PSD2: variants seen among roughly 807,000 people sequenced by gnomAD.
PSD2 encodes the protein PH and SEC7 domain-containing protein 2.
PSD2 carries 38 observed loss-of-function variants against 69.8 expected under a neutral mutation model. That is an observed-to-expected ratio of 0.54 (90% CI 0.42 to 0.71). The LOEUF (loss-of-function observed/expected upper bound fraction) is 0.71. Among genes scored for constraint, PSD2 ranks in the 30% least tolerant of loss-of-function variants. The pLI is 0.00. For missense variants in PSD2, 943 were observed against 1,014.5 expected (o/e 0.93, Z 0.96); for synonymous variants, 412 against 423.0 (o/e 0.97, Z 0.32).
chr5:139,745,279 G>A, the PSD2 span: 1 of 152,298 alleles, frequency 6.6e-6, no homozygotes, highest in East Asian at 1.9e-4. Flanking sequence ...AATTGGGGCA[G>A]GGTTAGAACC....
In PSD2 at chr5:139,838,608, T is replaced by G. The variant is rs1189569271; in HGVS notation, c.1824-20T>G. The G allele has an allele frequency of 6.9e-6, 11 of 1,605,212 alleles. No individual in the cohort carries two copies. The highest frequency in any genetic ancestry group is 9.4e-6 in the Non-Finnish European group (11 of 1,173,264). ...AGTCCTGTGTGAGAGGCCGGCACCC[T>G]CTCCCCCTCCTGTCCCCAGGAGCAA... is the stretch of plus-strand genomic sequence containing the variant. On this transcript the variant is annotated intron_variant, in intron 12 of 14. Coordinates refer to ENST00000274710, the MANE Select transcript of PSD2 (RefSeq NM_032289.4).
intron 4 of PSD2, 100 bp from the exon 5 acceptor site, chr5:139,817,381 G>T (rs1322350008): frequency 4.1e-6 from 4 of 971,070 alleles, no homozygotes; most frequent in Non-Finnish European, 6.6e-6. Flanking sequence ...GGTCTAGGGG[G>T]TGGGTGGGTC....
intron 1 of PSD2, among the ~76,000 whole-genome samples, chr5:139,799,291 A>G (rs1759607929): frequency 6.6e-6 from 1 of 152,168 alleles, no homozygotes; most frequent in Admixed American, 6.5e-5. Context: ...CTGAACCCCT[A>G]CATCAGACCA....
In PSD2 at chr5:139,813,617, C is replaced by A; in HGVS notation, c.680C>A (p.Ser227Tyr). 6.2e-7 allele frequency: 1 copy of A among 1,613,714 alleles called. No individual in the cohort carries two copies. Among genetic ancestry groups the A allele is most frequent in the Non-Finnish European group, 8.5e-7 (1 of 1,179,900 alleles). The change falls in exon 3 of 15, where the codon TCC (serine) becomes TAC (tyrosine). Residue 227 changes from serine (S) to tyrosine (Y), a missense_variant. Physicochemically the swap from Ser to Tyr is moderately radical, Grantham distance 144. Around this residue, in one of 3 missense-constraint regions of PSD2, gnomAD observed 466 missense variants for 445.0 expected, o/e 1.05. Coordinates refer to ENST00000274710, the MANE Select transcript of PSD2 (RefSeq NM_032289.4). ...GGCAGCCCCCTGCGGCGCTCCATCT[C>A]CAGCAGCCGCTCTGAGAATGTCCTG... ...ELGSPLRRSISSSRSENVLSR... is the reference protein window; with the variant it reads ...ELGSPLRRSIYSSRSENVLSR...
At chr5:139,823,869 G>A (rs1432669533) in intron 7 of PSD2, among the ~76,000 whole-genome samples, 1 of 152,260 alleles carries the variant, frequency 6.6e-6, no homozygotes, top group African/African-American at 2.4e-5. Flanking sequence ...TGAAGGCCCA[G>A]TCTGCTGGCA....
At chr5:139,771,212 G>T in the PSD2 span, among the ~76,000 whole-genome samples, 1 of 152,182 alleles carries the variant, frequency 6.6e-6, no homozygotes, top group Non-Finnish European at 1.5e-5. Context: ...GTTGTGACTG[G>T]CCCGGGTGGC....
chr5:139,832,543 T>C (rs955155822), intron 7 of PSD2, among the ~76,000 whole-genome samples: 1 of 152,218 alleles, frequency 6.6e-6, no homozygotes, highest in African/African-American at 2.4e-5. Flanking sequence ...GGAAATGACA[T>C]GGAATCCTCT....
chr5:139,784,918 C>A, the PSD2 span, among the ~76,000 whole-genome samples: 1 of 152,006 alleles, frequency 6.6e-6, no homozygotes, highest in African/African-American at 2.4e-5. Context: ...CCACGCCTGG[C>A]TAATTTTTTT....
the PSD2 span, among the ~76,000 whole-genome samples, chr5:139,769,868 G>T: frequency 6.6e-6 from 1 of 152,246 alleles, no homozygotes; most frequent in South Asian, 2.1e-4. Context: ...CTTCATTGAC[G>T]TGGGGTCACA....
chr5:139,838,887 G>T, intron 13 of PSD2, 115 bp downstream of exon 13: 1 of 1,151,642 alleles, frequency 8.7e-7, no homozygotes, highest in Non-Finnish European at 1.2e-6. Context: ...TGGGCTGAAG[G>T]ACACCAGAGA....
At chr5:139,752,322 A>T in the PSD2 span, among the ~76,000 whole-genome samples, 2 of 152,068 alleles carry the variant, frequency 1.3e-5, no homozygotes, top group Admixed American at 1.3e-4. Context: ...TACCATAAGA[A>T]CACCCTTCCA....
rs1050379891 is a variant in PSD2 at position 139,822,802 on chromosome 5, C to T, written c.1269+18C>T. ...ACGGCCACGTGAGTTGGGGAGGTGACGGGGGGTGTCGCATGTCCTCTCAGG... is the reference window on the plus strand; with the variant it reads ...ACGGCCACGTGAGTTGGGGAGGTGATGGGGGGTGTCGCATGTCCTCTCAGG... On this transcript the variant is annotated intron_variant, in intron 7 of 14. Coordinates refer to ENST00000274710, the MANE Select transcript of PSD2 (RefSeq NM_032289.4). The T allele has an allele frequency of 1.6e-5, 25 of 1,597,282 alleles. No individual in the cohort carries two copies. In the East Asian group the frequency reaches 1.6e-4, roughly 10 times the overall value.
chr5:139,823,032 T>C (rs1241570964), intron 7 of PSD2, among the ~76,000 whole-genome samples: 3 of 152,126 alleles, frequency 2.0e-5, no homozygotes, highest in Admixed American at 6.5e-5. Flanking sequence ...GAGCCACAAA[T>C]GTGTGCCTCT....
At position 139,824,480 on chromosome 5, in the gene PSD2, C is replaced by T. The variant is rs568936271; in HGVS notation, c.1269+1696C>T. ...GGCGAGATCTCGGTTCACCACAAGC[C>T]TCGCCTCCCAGGTTCATGCCATTCT... is the stretch of plus-strand genomic sequence containing the variant. On this transcript the variant is annotated intron_variant, in intron 7 of 14. Coordinates refer to ENST00000274710, the MANE Select transcript of PSD2 (RefSeq NM_032289.4). Among the ~76,000 whole-genome samples, 39 of 149,826 alleles carry T rather than the reference C, an allele frequency of 2.6e-4. 1 individual carries two copies. Among genetic ancestry groups the T allele is most frequent in the Admixed American group, 2.5e-3 (37 of 14,990 alleles).
the PSD2 span, among the ~76,000 whole-genome samples, chr5:139,756,248 C>A: frequency 8.0e-3 from 1,216 of 152,318 alleles, 18 homozygotes; most frequent in African/African-American, 0.027. Flanking sequence ...TCATGTCTGC[C>A]GCGCCTCCCG....
the PSD2 span, among the ~76,000 whole-genome samples, chr5:139,773,399 C>T: frequency 3.3e-5 from 5 of 152,090 alleles, no homozygotes; most frequent in South Asian, 4.2e-4. Flanking sequence ...ATAGCTGGGA[C>T]TACAGGCACA....
rs545213505 is a variant in PSD2 at position 139,837,060 on chromosome 5, C to T, written c.1594+59C>T. On this transcript the variant is annotated intron_variant, in intron 10 of 14. Coordinates refer to ENST00000274710, the MANE Select transcript of PSD2 (RefSeq NM_032289.4). The surrounding 1 kb of genome is among the most constrained non-coding windows in gnomAD (Gnocchi z 5.0). ...GAGGCTGGCACAGAGGGGGGCGCCA[C>T]GGGCCACTCTTTGGGGACGAACATA... is the stretch of plus-strand genomic sequence containing the variant. 824 of 1,593,246 alleles carry T rather than the reference C, an allele frequency of 5.2e-4. 1 individual carries two copies. Among genetic ancestry groups the T allele is most frequent in the Non-Finnish European group, 6.2e-4 (727 of 1,165,714 alleles).
chr5:139,801,457 C>T (rs1759673071), intron 1 of PSD2, among the ~76,000 whole-genome samples: 1 of 152,148 alleles, frequency 6.6e-6, no homozygotes, highest in African/African-American at 2.4e-5. Context: ...TCCTTGGCTT[C>T]CAGGACACCC....
chr5:139,804,007 C>T (rs1333670617), intron 1 of PSD2, among the ~76,000 whole-genome samples: 4 of 152,174 alleles, frequency 2.6e-5, no homozygotes. Flanking sequence ...CCTGTGGAGC[C>T]CTGGAGCACT....
Sources: gnomAD v4.1 joint callset for allele counts (sites outside exome capture counted in the v4.1 genomes callset) on GRCh38, gnomAD v4.1.1 for gene constraint, gnomAD v4.1.1 regional missense constraint, Gnocchi (gnomAD v3.1) non-coding constraint, MANE v1.5 for transcripts, NCBI Gene and HGNC (gene_info 2026-07-23, HGNC 2026-07-21) for gene names.